Variants in GARIN2 observed in about 807,000 individuals in gnomAD.
GARIN2 encodes the protein Golgi-associated RAB2 interactor protein 2.
At chr14:67,223,889 C>T in the GARIN2 span, 6 of 985,656 alleles carry the variant, frequency 6.1e-6, no homozygotes, top group South Asian at 2.3e-4. Context: ...CAAAGACTGG[C>T]TGAATCTTAA....
the GARIN2 span, chr14:67,199,238 G>C: frequency 3.7e-6 from 6 of 1,602,896 alleles, no homozygotes; most frequent in Non-Finnish European, 5.1e-6. Flanking sequence ...ATGACTTTGT[G>C]AATTCTTGAG....
chr14:67,225,719 C>A, the GARIN2 span, among the ~76,000 whole-genome samples: 6 of 152,142 alleles, frequency 3.9e-5, no homozygotes, highest in Non-Finnish European at 5.9e-5. Flanking sequence ...AGTTTATGTG[C>A]AATTCATAAT....
chr14:67,202,214 G>T, the GARIN2 span, among the ~76,000 whole-genome samples: 1 of 152,244 alleles, frequency 6.6e-6, no homozygotes, highest in Non-Finnish European at 1.5e-5. Context: ...GCTAAAGTGG[G>T]TGGATCACCC....
the GARIN2 span, chr14:67,204,794 CG>C: frequency 7.4e-6 from 12 of 1,613,942 alleles, no homozygotes; most frequent in African/African-American, 1.6e-4. Context: ...ATGGATGTGA[CG>C]GATGTCACCA....
At chr14:67,217,187 G>GAA in the GARIN2 span, among the ~76,000 whole-genome samples, 3 of 151,314 alleles carry the variant, frequency 2.0e-5, no homozygotes, top group African/African-American at 7.3e-5. Context: ...TACAGTTTCT[G>GAA]ACATAAATTC....
the GARIN2 span, among the ~76,000 whole-genome samples, chr14:67,211,087 T>C: frequency 6.6e-6 from 1 of 152,216 alleles, no homozygotes; most frequent in Non-Finnish European, 1.5e-5. Flanking sequence ...CTCTATGATC[T>C]TGGGCAAGTT....
chr14:67,194,997 G>A, the GARIN2 span, among the ~76,000 whole-genome samples: 2 of 152,166 alleles, frequency 1.3e-5, no homozygotes, highest in Admixed American at 6.5e-5. Context: ...GAGCCACCAC[G>A]CCCAAGCCTG....
At chr14:67,222,034 C>T in the GARIN2 span, 3 of 507,508 alleles carry the variant, frequency 5.9e-6, no homozygotes, top group Non-Finnish European at 1.0e-5. Flanking sequence ...TGGTACTTTA[C>T]TACTTCAGTT....
chr14:67,196,856 G>T, the GARIN2 span: 4 of 152,194 alleles, frequency 2.6e-5, no homozygotes, highest in South Asian at 8.3e-4. Context: ...AACTCTTTCT[G>T]AGGCCTTGAC....
the GARIN2 span, among the ~76,000 whole-genome samples, chr14:67,206,601 A>G: frequency 1.3e-5 from 2 of 152,202 alleles, no homozygotes; most frequent in African/African-American, 2.4e-5. Context: ...ATAAAATGTT[A>G]AGTGAAAAAG....
chr14:67,208,559 A>G, the GARIN2 span: 4 of 1,150,310 alleles, frequency 3.5e-6, no homozygotes, highest in Non-Finnish European at 4.8e-6. Context: ...ATTCTCAGAG[A>G]CAGATGTAGT....
the GARIN2 span, among the ~76,000 whole-genome samples, chr14:67,202,174 C>T: frequency 6.6e-6 from 1 of 152,354 alleles, no homozygotes; most frequent in South Asian, 2.1e-4. Flanking sequence ...GGCACAGCGG[C>T]TCACGCCTGT....
At chr14:67,208,118 G>A in the GARIN2 span, 5 of 1,548,172 alleles carry the variant, frequency 3.2e-6, no homozygotes, top group South Asian at 2.5e-5. Flanking sequence ...ATGAAATGGT[G>A]CCTGTATTCG....
chr14:67,197,472 C>T, the GARIN2 span: 1 of 152,042 alleles, frequency 6.6e-6, no homozygotes, highest in African/African-American at 2.4e-5. Flanking sequence ...CTTTACTTTC[C>T]AAGATTTATT....
At chr14:67,209,757 G>T in the GARIN2 span, among the ~76,000 whole-genome samples, 1 of 150,378 alleles carries the variant, frequency 6.6e-6, no homozygotes, top group South Asian at 2.1e-4. Flanking sequence ...GACTGAGGTT[G>T]CAGTGAGCCG....
chr14:67,226,351 C>G, the GARIN2 span, among the ~76,000 whole-genome samples: 4 of 151,236 alleles, frequency 2.6e-5, no homozygotes, highest in Admixed American at 2.6e-4. Context: ...ACCACCACAA[C>G]CAGCTAGTTT....
At chr14:67,209,216 C>T in the GARIN2 span, among the ~76,000 whole-genome samples, 22 of 152,288 alleles carry the variant, frequency 1.4e-4, no homozygotes, top group Non-Finnish European at 3.1e-4. Flanking sequence ...AAGTCCATAT[C>T]TCATGGAGTG....
the GARIN2 span, among the ~76,000 whole-genome samples, chr14:67,225,962 T>TGCGC: frequency 9.9e-3 from 1,124 of 113,490 alleles, 9 homozygotes; most frequent in Non-Finnish European, 0.014. Flanking sequence ...TGTGTGTGTG[T>TGCGC]GCGCGCGCGC....
the GARIN2 span, chr14:67,199,112 G>T: frequency 1.8e-4 from 221 of 1,261,720 alleles, no homozygotes; most frequent in Middle Eastern, 1.1e-3. Flanking sequence ...CTGTGTACGT[G>T]GGGGGCCTGA....
Sources: gnomAD v4.1 joint callset for allele counts (sites outside exome capture counted in the v4.1 genomes callset) on GRCh38, gnomAD v4.1.1 for gene constraint, MANE v1.5 for transcripts, NCBI Gene and HGNC (gene_info 2026-07-23, HGNC 2026-07-21) for gene names.